Variants in RARB observed in about 807,000 individuals in gnomAD.
The protein encoded by RARB is retinoic acid receptor beta.
In RARB, 17 loss-of-function variants were observed where a neutral mutation model predicts 51.9. The observed-to-expected ratio is 0.33, with a 90% CI of 0.22 to 0.49. The LOEUF is 0.49. Among genes scored for constraint, RARB ranks in the 20% least tolerant of loss-of-function variants. RARB has a pLI of 0.99. For synonymous variants in RARB, 215 were observed against 195.4 expected (o/e 1.10, Z -0.84); for missense variants, 369 against 550.8 (o/e 0.67, Z 3.30).
Position 25,232,874 on chromosome 3 carries a change from G to A in RARB, c.178+58299G>A, listed in dbSNP as rs1436247. ...GTTTTATGTTAGATGATTGTGTCCAGTTGTAAGCTAATGTAGGTGTTCTGA... is the reference window on the plus strand; with the variant it reads ...GTTTTATGTTAGATGATTGTGTCCAATTGTAAGCTAATGTAGGTGTTCTGA... On this transcript the variant is annotated intron_variant, in intron 5 of 11. Transcript: ENST00000383772. Among the ~76,000 whole-genome samples the A allele has an allele frequency of 5.9e-3, 889 of 151,880 alleles. 16 individuals carry two copies. Among genetic ancestry groups the A allele is most frequent in the African/African-American group, 0.019 (790 of 41,434 alleles).
intron 3 of RARB, among the ~76,000 whole-genome samples, chr3:25,074,878 G>A (rs1259811130): frequency 6.6e-6 from 1 of 152,184 alleles, no homozygotes; most frequent in Admixed American, 6.5e-5. Context: ...GCAGCGCAGT[G>A]ACTTGTACGT....
At chr3:25,194,520 GATAT>G (rs746009538) in intron 5 of RARB, among the ~76,000 whole-genome samples, 10 of 146,626 alleles carry the variant, frequency 6.8e-5, no homozygotes, top group African/African-American at 2.5e-4. Flanking sequence ...TATATATGTT[GATAT>G]ATATATATAT....
intron 5 of RARB, among the ~76,000 whole-genome samples, chr3:25,320,786 T>G (rs1575310067): frequency 6.6e-6 from 1 of 152,332 alleles, no homozygotes; most frequent in South Asian, 2.1e-4. Context: ...ACCAGAGATA[T>G]GATTTGGGTT....
intron 5 of RARB, among the ~76,000 whole-genome samples, chr3:25,215,498 C>G (rs1701811621): frequency 6.6e-6 from 1 of 152,092 alleles, no homozygotes; most frequent in Non-Finnish European, 1.5e-5. Flanking sequence ...AGAGTGAGCA[C>G]TCTGGCGGGG....
chr3:25,597,235 T>TGCATCTTTTATTTCA lies in RARB; in HGVS notation c.*620_*634dup, dbSNP rs1473406541. ...TTTGCTCTTTCTGATGCTCTCAAAC[T>TGCATCTTTTATTTCA]GCATCTTTTATTTCATGTTGCCCAG... On this transcript the variant is annotated 3_prime_UTR_variant, in exon 8 of 8. Coordinates refer to ENST00000330688, the MANE Select transcript of RARB (RefSeq NM_000965.5). 6.6e-6 allele frequency: 1 copy of TGCATCTTTTATTTCA among 152,638 alleles called. No individual in the cohort carries two copies. The highest frequency in any genetic ancestry group is 1.9e-4 in the East Asian group (1 of 5,198). 9.5% of individuals were successfully genotyped at this position (152,638 alleles called of 1,614,324 possible). A position where few individuals can be genotyped will look rare whatever the true frequency, so the allele number is the denominator to read the frequency against.
intron 5 of RARB, among the ~76,000 whole-genome samples, chr3:25,587,360 A>G (rs1397526615): frequency 6.6e-6 from 1 of 151,664 alleles, no homozygotes; most frequent in Non-Finnish European, 1.5e-5. Flanking sequence ...GCCTGGTGTG[A>G]AGTGTGTATT....
intron 5 of RARB, among the ~76,000 whole-genome samples, chr3:25,337,958 A>G (rs1368213950): frequency 2.0e-5 from 3 of 152,142 alleles, no homozygotes; most frequent in Non-Finnish European, 4.4e-5. Flanking sequence ...TCAAAAGCGT[A>G]GGTCAATTAG....
At chr3:24,879,362 G>T (rs1005365075) in intron 2 of RARB, among the ~76,000 whole-genome samples, 2 of 151,746 alleles carry the variant, frequency 1.3e-5, no homozygotes, top group Non-Finnish European at 2.9e-5. Flanking sequence ...CCGGGAGGCG[G>T]AGCTTGCAGT....
intron 5 of RARB, among the ~76,000 whole-genome samples, chr3:25,227,275 AAAAT>A (rs1236723376): frequency 1.3e-5 from 2 of 151,228 alleles, no homozygotes; most frequent in African/African-American, 2.5e-5. Context: ...GTTATATAAT[AAAAT>A]AAATCAGTTT....
At chr3:25,349,152 CAG>C (rs1455978114) in intron 5 of RARB, among the ~76,000 whole-genome samples, 1 of 152,160 alleles carries the variant, frequency 6.6e-6, no homozygotes, top group African/African-American at 2.4e-5. Flanking sequence ...GCTCAGAGGA[CAG>C]GGGAAGGATG....
chr3:25,380,792 C>T (rs1284976417), intron 5 of RARB, among the ~76,000 whole-genome samples: 1 of 152,072 alleles, frequency 6.6e-6, no homozygotes, highest in African/African-American at 2.4e-5. Context: ...CTAATTTCCT[C>T]CTCTTCTCAT....
chr3:25,251,813 T>C (rs988134810), intron 5 of RARB, among the ~76,000 whole-genome samples: 15 of 152,176 alleles, frequency 9.9e-5, no homozygotes, highest in African/African-American at 3.1e-4. Context: ...TTTTGGGTTG[T>C]CTTTTTGTTT....
chr3:25,372,968 A>G (rs979033588), intron 5 of RARB, among the ~76,000 whole-genome samples: 1 of 152,148 alleles, frequency 6.6e-6, no homozygotes, highest in African/African-American at 2.4e-5. Context: ...ATAAGAGTCA[A>G]GGTTTGTGAT....
intron 2 of RARB, among the ~76,000 whole-genome samples, chr3:25,461,544 G>A (rs949702797): frequency 6.6e-6 from 1 of 152,120 alleles, no homozygotes; most frequent in Non-Finnish European, 1.5e-5. Context: ...GACTGATGAG[G>A]GTCAAAGGTT....
intron 2 of RARB, among the ~76,000 whole-genome samples, chr3:24,870,636 T>C (rs1334323606): frequency 2.0e-5 from 3 of 152,152 alleles, no homozygotes; most frequent in Admixed American, 1.3e-4. Context: ...TTGGGGATCA[T>C]ATTATCTGTG....
intron 2 of RARB, among the ~76,000 whole-genome samples, chr3:24,968,674 A>C (rs937598693): frequency 2.0e-5 from 3 of 152,114 alleles, no homozygotes; most frequent in Non-Finnish European, 4.4e-5. Flanking sequence ...CCTAACCCAG[A>C]CTTGCTCACA....
chr3:25,074,643 T>A (rs1212421576), intron 3 of RARB, among the ~76,000 whole-genome samples: 2 of 152,278 alleles, frequency 1.3e-5, no homozygotes, highest in South Asian at 2.1e-4. Flanking sequence ...TACAAAAAAA[T>A]TAGTTGATTA....
chr3:25,482,797 C>A (rs950369669), intron 2 of RARB, among the ~76,000 whole-genome samples: 3 of 151,990 alleles, frequency 2.0e-5, no homozygotes, highest in African/African-American at 7.2e-5. Context: ...GCTCGGCCTC[C>A]CAAAGTGCTG....
chr3:25,295,032 C>T (rs1225181524), intron 5 of RARB, among the ~76,000 whole-genome samples: 1 of 152,140 alleles, frequency 6.6e-6, no homozygotes, highest in Admixed American at 6.5e-5. Flanking sequence ...TGTCCATTTT[C>T]CCAAAAGAGT....
Sources: gnomAD v4.1 joint callset for allele counts (sites outside exome capture counted in the v4.1 genomes callset) on GRCh38, gnomAD v4.1.1 for gene constraint, MANE v1.5 for transcripts, NCBI Gene and HGNC (gene_info 2026-07-23, HGNC 2026-07-21) for gene names.